KCNJ1: variants seen among roughly 807,000 people sequenced by gnomAD.
KCNJ1 encodes potassium inwardly rectifying channel subfamily J member 1.
Under a neutral mutation model 21.9 loss-of-function variants are expected in KCNJ1, and 24 were observed. That is an observed-to-expected ratio of 1.10 (90% CI 0.79 to 1.54). The LOEUF (loss-of-function observed/expected upper bound fraction) is 1.54, where lower values mean the gene tolerates loss of function less well. KCNJ1 is among the 40% of genes most tolerant of loss of function. The pLI is 0.00. For synonymous variants in KCNJ1, 152 were observed against 160.9 expected (o/e 0.94, Z 0.42); for missense variants, 457 against 455.4 (o/e 1.00, Z -0.03).
intron 1 of KCNJ1, among the ~76,000 whole-genome samples, chr11:128,852,441 T>G (rs1239134951): frequency 6.6e-6 from 1 of 152,210 alleles, no homozygotes; most frequent in Non-Finnish European, 1.5e-5. Flanking sequence ...CGGGTATCAT[T>G]GACCCTCAAA....
At chr11:128,855,426 C>T (rs749854825) in intron 1 of KCNJ1, among the ~76,000 whole-genome samples, 1 of 152,162 alleles carries the variant, frequency 6.6e-6, no homozygotes, top group Non-Finnish European at 1.5e-5. Context: ...TTAGTACTAA[C>T]CAAAATGCTG....
At chr11:128,849,990 C>G (rs1943454073) in intron 2 of KCNJ1, among the ~76,000 whole-genome samples, 1 of 152,168 alleles carries the variant, frequency 6.6e-6, no homozygotes, top group South Asian at 2.1e-4. Flanking sequence ...GAGGGCAAAG[C>G]TCTTGACCTT....
chr11:128,864,125 C>T (rs1274728740), intron 1 of KCNJ1, among the ~76,000 whole-genome samples: 2 of 138,670 alleles, frequency 1.4e-5, no homozygotes, highest in African/African-American at 5.5e-5. Flanking sequence ...ACCCTATCAC[C>T]CAGGCTTGAG....
Position 128,838,397 on chromosome 11 carries a change from C to T in KCNJ1, c.*728G>A, listed in dbSNP as rs1294510158. 1.3e-5 allele frequency: 2 copies of T among 152,336 alleles called. No homozygotes were observed. Among genetic ancestry groups the T allele is most frequent in the Non-Finnish European group, 2.9e-5 (2 of 68,078 alleles). The allele number at this position is 152,336 out of a possible 1,614,324, so 9.4% of individuals were successfully genotyped here. A position where few individuals can be genotyped will look rare whatever the true frequency, so the allele number is the denominator to read the frequency against. On this transcript the variant is annotated 3_prime_UTR_variant, in exon 3 of 3. Transcript: ENST00000392666. The stretch of plus-strand genomic sequence containing the variant: ...TCTCTACTGACTTTGCACCTTCCAA[C>T]TCCTCATTGCTGTCTTCGAAGAGCA...
rs1565521324 is a variant in KCNJ1, at chr11:128,839,085, G to T, written c.*40C>A. ...TTCATAATGCTTCTAGGTACTAGGA[G>T]CTTTAGAGACTTTGCTTTACTCCCG... On this transcript the variant is annotated 3_prime_UTR_variant, in exon 3 of 3. Coordinates refer to ENST00000392666, the MANE Select transcript of KCNJ1 (RefSeq NM_153766.3). 1.3e-6 allele frequency: 2 copies of T among 1,575,936 alleles called. No individual in the cohort carries two copies. Among genetic ancestry groups the T allele is most frequent in the Non-Finnish European group, 8.7e-7 (1 of 1,150,900 alleles).
Position 128,839,325 on chromosome 11 carries a change from C to T in KCNJ1, c.919G>A (p.Ala307Thr), listed in dbSNP as rs775088508. The T allele has an allele frequency of 6.2e-7, 1 of 1,614,142 alleles. No individual in the cohort carries two copies. Among genetic ancestry groups the T allele is most frequent in the South Asian group, 1.1e-5 (1 of 91,080 alleles). Reference protein sequence around the residue: ...PEEVLWGYRFAPIVSKTKEGK... With the variant: ...PEEVLWGYRFTPIVSKTKEGK... ...TCCTTTGTCTTGGATACTATGGGAG[C>T]AAAACGGTAGCCCCAAAGCACCTCC... is the stretch of plus-strand genomic sequence containing the variant. Residue 307 changes from alanine to threonine, a missense_variant, in exon 3 of 3, where the codon GCT becomes ACT. Coordinates refer to ENST00000392666, the MANE Select transcript of KCNJ1 (RefSeq NM_153766.3).
intron 1 of KCNJ1, among the ~76,000 whole-genome samples, chr11:128,865,672 T>G (rs1054801811): frequency 6.6e-6 from 1 of 151,846 alleles, no homozygotes; most frequent in Non-Finnish European, 1.5e-5. Context: ...CTGGAGCAAG[T>G]AAAAGGCAAA....
intron 1 of KCNJ1, among the ~76,000 whole-genome samples, chr11:128,858,698 C>T (rs564404540): frequency 2.6e-5 from 4 of 152,146 alleles, no homozygotes; most frequent in African/African-American, 7.2e-5. Flanking sequence ...GTTTACGGAG[C>T]GTCTATGTCA....
Position 128,865,371 on chromosome 11 carries a change from G to C in KCNJ1, c.-192+1802C>G, listed in dbSNP as rs1247871359. Among the ~76,000 whole-genome samples, 5 of 152,032 alleles carry C rather than the reference G, an allele frequency of 3.3e-5. No individual in the cohort carries two copies. The East Asian group carries it at 5.8e-4, about 18-fold the overall frequency. The stretch of plus-strand genomic sequence containing the variant: ...CCCTAGCCCAAGTACCTGCCCTCTA[G>C]AGCAAAGCATTTCCCAAGCCATTCA... On this transcript the variant is annotated intron_variant, in intron 1 of 2. Coordinates refer to ENST00000392666, the MANE Select transcript of KCNJ1 (RefSeq NM_153766.3).
intron 1 of KCNJ1, among the ~76,000 whole-genome samples, chr11:128,861,422 A>G (rs1438703750): frequency 1.3e-5 from 2 of 152,200 alleles, no homozygotes; most frequent in Non-Finnish European, 2.9e-5. Flanking sequence ...TGAGGAGGCA[A>G]GATGTGAGCA....
chr11:128,867,028 G>A (rs1258506943), intron 1 of KCNJ1, 145 bp downstream of exon 1: 1 of 152,238 alleles, frequency 6.6e-6, no homozygotes, highest in Non-Finnish European at 1.5e-5. Context: ...CATCCAGTGA[G>A]TGAGTTAAAA....
intron 2 of KCNJ1, among the ~76,000 whole-genome samples, chr11:128,844,977 G>C (rs192000213): frequency 6.3e-4 from 96 of 152,280 alleles, no homozygotes; most frequent in Non-Finnish European, 6.0e-4. Context: ...TGAGCTATGT[G>C]GCCTGAGAGG....
At chr11:128,859,237 A>T (rs1376033706) in intron 1 of KCNJ1, among the ~76,000 whole-genome samples, 1 of 152,220 alleles carries the variant, frequency 6.6e-6, no homozygotes, top group East Asian at 1.9e-4. Context: ...AAAAACTCAT[A>T]TGAGGCAGAA....
Position 128,840,253 on chromosome 11 carries a change from C to T in KCNJ1, c.-10G>A. ...GAAGATGTTTGAACATACTTTCTGT[C>T]AACACCCTGATCTGAAAACACATCA... On this transcript the variant is annotated 5_prime_UTR_variant, in exon 3 of 3. Transcript: ENST00000392666. 6.2e-7 allele frequency: 1 copy of T among 1,614,140 alleles called. No homozygotes were observed. The highest frequency in any genetic ancestry group is 8.5e-7 in the Non-Finnish European group (1 of 1,180,018).
intron 1 of KCNJ1, among the ~76,000 whole-genome samples, chr11:128,852,336 T>C (rs896237437): frequency 3.3e-5 from 5 of 152,188 alleles, no homozygotes; most frequent in Non-Finnish European, 7.3e-5. Context: ...CAGGCTGCAA[T>C]AGCATCCTGC....
intron 1 of KCNJ1, among the ~76,000 whole-genome samples, chr11:128,851,248 A>C (rs765942161): frequency 3.9e-5 from 6 of 152,254 alleles, no homozygotes; most frequent in Non-Finnish European, 7.3e-5. Flanking sequence ...ACATCTAGAT[A>C]TATAATTCCA....
At chr11:128,854,446 A>AC (rs982315409) in intron 1 of KCNJ1, among the ~76,000 whole-genome samples, 1 of 151,352 alleles carries the variant, frequency 6.6e-6, no homozygotes, top group Non-Finnish European at 1.5e-5. Flanking sequence ...CCCATTCAAA[A>AC]CCCCGCCTTG....
intron 2 of KCNJ1, among the ~76,000 whole-genome samples, chr11:128,849,937 G>T (rs1446392730): frequency 6.6e-6 from 1 of 152,180 alleles, no homozygotes; most frequent in Non-Finnish European, 1.5e-5. Flanking sequence ...AGGCAAACCT[G>T]CCAGTGACGA....
At position 128,855,062 on chromosome 11, in the gene KCNJ1, T is replaced by A. The variant is rs199513474; in HGVS notation, c.-191-4172A>T. On this transcript the variant is annotated intron_variant, in intron 1 of 2. Transcript: ENST00000392666. ...AGCTCACCTGGGGATTTTACAGAGC[T>A]AATTTCTCAATGTAATCGATTAAGC... 3.9e-5 allele frequency among the ~76,000 whole-genome samples: 6 copies of A among 152,334 alleles called. No individual in the cohort carries two copies. The East Asian group carries it at 1.2e-3, about 29-fold the overall frequency.
Sources: allele counts gnomAD v4.1 joint callset (sites outside exome capture counted in the v4.1 genomes callset), GRCh38; gene constraint gnomAD v4.1.1; transcripts MANE v1.5; gene names NCBI Gene and HGNC (gene_info 2026-07-23, HGNC 2026-07-21).